Variants in SPIDR observed in about 807,000 individuals in gnomAD.
The protein encoded by SPIDR is scaffold protein involved in DNA repair.
In SPIDR, 93 loss-of-function variants were observed where a neutral mutation model predicts 104.6. The ratio of observed to expected loss-of-function variants is 0.89; its 90% CI spans 0.75 to 1.06. SPIDR has a LOEUF of 1.06. Ranked by LOEUF, SPIDR falls within the 50% of genes least tolerant of loss-of-function variation. The pLI is 0.00. For missense variants in SPIDR, 1,154 were observed against 1,111.2 expected (o/e 1.04, Z -0.55); for synonymous variants, 431 against 416.9 (o/e 1.03, Z -0.41).
chr8:47,596,337 A>T (rs2061612273), intron 9 of SPIDR, among the ~76,000 whole-genome samples: 1 of 152,218 alleles, frequency 6.6e-6, no homozygotes, highest in African/African-American at 2.4e-5. Flanking sequence ...TGACCATCAT[A>T]GCGTGCACTT....
At chr8:47,408,252 T>G (rs1334779854) in intron 7 of SPIDR, among the ~76,000 whole-genome samples, 2 of 152,140 alleles carry the variant, frequency 1.3e-5, no homozygotes, top group African/African-American at 4.8e-5. Context: ...CTCTACCCTC[T>G]TAGCAAAATT....
At chr8:47,325,687 C>CT (rs1271034262) in intron 5 of SPIDR, among the ~76,000 whole-genome samples, 5 of 152,184 alleles carry the variant, frequency 3.3e-5, no homozygotes, top group Admixed American at 6.5e-5. Context: ...TCCCTGGCAG[C>CT]TGTAGCTTCA....
At chr8:47,593,266 T>G (rs1203567221) in intron 8 of SPIDR, among the ~76,000 whole-genome samples, 3 of 152,150 alleles carry the variant, frequency 2.0e-5, no homozygotes, top group Non-Finnish European at 4.4e-5. Flanking sequence ...TCTTCGACTT[T>G]ATTGATTCTT....
chr8:47,593,326 A>G (rs1406769531), intron 8 of SPIDR, among the ~76,000 whole-genome samples: 1 of 149,334 alleles, frequency 6.7e-6, no homozygotes, highest in African/African-American at 2.5e-5. Flanking sequence ...TATTTTCACT[A>G]TTTTTTTAGT....
At chr8:47,394,065 C>T (rs1210769452) in intron 5 of SPIDR, among the ~76,000 whole-genome samples, 4 of 152,112 alleles carry the variant, frequency 2.6e-5, no homozygotes, top group Non-Finnish European at 5.9e-5. Flanking sequence ...TGCCACCACA[C>T]CGGGCTAATT....
At chr8:47,725,383 T>TTAAGCATCTTTCTGATGCTCATTTAA (rs1287113683) in intron 16 of SPIDR, among the ~76,000 whole-genome samples, 1 of 152,106 alleles carries the variant, frequency 6.6e-6, no homozygotes, top group Non-Finnish European at 1.5e-5. Flanking sequence ...TTTAAGTGAA[T>TTAAGCATCTTTCTGATGCTCATTTAA]GTCTTTTGTT....
At chr8:47,313,468 G>T (rs28382309) in intron 5 of SPIDR, among the ~76,000 whole-genome samples, 2,038 of 152,210 alleles carry the variant, frequency 0.013, 55 homozygotes, top group African/African-American at 0.046. Flanking sequence ...AATCAATGTC[G>T]TGAAAATGGC....
At chr8:47,510,574 A>G (rs1223395546) in intron 8 of SPIDR, among the ~76,000 whole-genome samples, 3 of 152,098 alleles carry the variant, frequency 2.0e-5, no homozygotes, top group South Asian at 2.1e-4. Flanking sequence ...GAATGGGGAA[A>G]TATTCAGTAG....
chr8:47,709,266 G>A (rs1385536527), intron 14 of SPIDR, among the ~76,000 whole-genome samples: 1 of 152,126 alleles, frequency 6.6e-6, no homozygotes, highest in Non-Finnish European at 1.5e-5. Flanking sequence ...TCCACCTCCC[G>A]AGTAGCTGGA....
intron 11 of SPIDR, among the ~76,000 whole-genome samples, chr8:47,698,367 A>G (rs781341488): frequency 5.3e-5 from 8 of 152,236 alleles, no homozygotes; most frequent in Non-Finnish European, 1.2e-4. Flanking sequence ...CACCAAGTCT[A>G]TGCCCAGCAG....
chr8:47,407,117 C>T (rs1243112525), intron 6 of SPIDR, among the ~76,000 whole-genome samples: 1 of 152,162 alleles, frequency 6.6e-6, no homozygotes, highest in Non-Finnish European at 1.5e-5. Context: ...AATTTACATA[C>T]ACCTATATAT....
chr8:47,378,490 A>G (rs1477596522), intron 5 of SPIDR, among the ~76,000 whole-genome samples: 1 of 152,232 alleles, frequency 6.6e-6, no homozygotes, highest in Non-Finnish European at 1.5e-5. Context: ...AATGTTATCT[A>G]CATACATATA....
chr8:47,348,295 C>T (rs2052607976), intron 5 of SPIDR, among the ~76,000 whole-genome samples: 1 of 152,286 alleles, frequency 6.6e-6, no homozygotes, highest in South Asian at 2.1e-4. Context: ...TTCTGACTTG[C>T]AGAGTGTCTG....
intron 8 of SPIDR, among the ~76,000 whole-genome samples, chr8:47,545,128 T>TG (rs2089106229): frequency 6.9e-6 from 1 of 144,830 alleles, no homozygotes; most frequent in Non-Finnish European, 1.5e-5. Context: ...TCTTTTTTTT[T>TG]TTTTTTTGTT....
At chr8:47,305,892 G>A (rs2043015666) in intron 5 of SPIDR, among the ~76,000 whole-genome samples, 1 of 152,038 alleles carries the variant, frequency 6.6e-6, no homozygotes, top group African/African-American at 2.4e-5. Flanking sequence ...TCATAATGTT[G>A]TGTAACTACC....
chr8:47,654,963 G>T (rs1306454689), intron 10 of SPIDR, among the ~76,000 whole-genome samples: 1 of 151,718 alleles, frequency 6.6e-6, no homozygotes, highest in East Asian at 1.9e-4. Flanking sequence ...ACCTATGAGT[G>T]AGAACATGCG....
At chr8:47,415,595 G>C (rs2064142589) in intron 7 of SPIDR, among the ~76,000 whole-genome samples, 1 of 152,134 alleles carries the variant, frequency 6.6e-6, no homozygotes, top group Admixed American at 6.5e-5. Flanking sequence ...AATTAGAAGA[G>C]ACCGTAGAGA....
chr8:47,277,920 G>T (rs2036883436), intron 1 of SPIDR, among the ~76,000 whole-genome samples: 1 of 151,800 alleles, frequency 6.6e-6, no homozygotes, highest in Admixed American at 6.6e-5. Flanking sequence ...TGATTCGCCC[G>T]CCTTGGCCTC....
chr8:47,647,444 A>C (rs746985759), intron 10 of SPIDR, among the ~76,000 whole-genome samples: 2 of 152,138 alleles, frequency 1.3e-5, no homozygotes, highest in East Asian at 1.9e-4. Context: ...GTGAAAACCT[A>C]TCTCTACTAA....
Sources: allele counts gnomAD v4.1 joint callset (sites outside exome capture counted in the v4.1 genomes callset), GRCh38; gene constraint gnomAD v4.1.1; transcripts MANE v1.5; gene names NCBI Gene and HGNC (gene_info 2026-07-23, HGNC 2026-07-21).